ERBIN: variants seen among roughly 807,000 people sequenced by gnomAD.
The protein encoded by ERBIN is densin-180-like protein.
In ERBIN, 60 loss-of-function variants were observed where a neutral mutation model predicts 158.4. That is an observed-to-expected ratio of 0.38 (90% CI 0.31 to 0.47). ERBIN has a LOEUF of 0.47. ERBIN is among the 20% of genes least tolerant of loss of function. ERBIN has a pLI of 0.99. For missense variants in ERBIN, 1,610 were observed against 1,648.0 expected (o/e 0.98, Z 0.40); for synonymous variants, 594 against 557.2 (o/e 1.07, Z -0.93).
intron 1 of ERBIN, among the ~76,000 whole-genome samples, chr5:65,949,848 C>T (rs1746284306): frequency 6.6e-6 from 1 of 152,002 alleles, no homozygotes; most frequent in Admixed American, 6.6e-5. Flanking sequence ...TTTTAATTTT[C>T]ATTTTTGTGG....
intron 2 of ERBIN, among the ~76,000 whole-genome samples, chr5:65,991,956 GT>G (rs1218693445): frequency 6.6e-6 from 1 of 152,156 alleles, no homozygotes; most frequent in Non-Finnish European, 1.5e-5. Context: ...AGGTTATAGG[GT>G]GGTTGATCCC....
At chr5:65,941,748 ATTTT>A (rs372144335) in intron 1 of ERBIN, among the ~76,000 whole-genome samples, 9 of 149,320 alleles carry the variant, frequency 6.0e-5, no homozygotes, top group Non-Finnish European at 1.2e-4. Context: ...TTCTTGTAGT[ATTTT>A]TTTTTTGAGA....
At chr5:65,954,241 C>A (rs1746833241) in intron 1 of ERBIN, among the ~76,000 whole-genome samples, 1 of 152,136 alleles carries the variant, frequency 6.6e-6, no homozygotes, top group Non-Finnish European at 1.5e-5. Flanking sequence ...TGAAAATAAT[C>A]TGTGGGGGAG....
At chr5:65,957,379 T>C (rs1163896971) in intron 1 of ERBIN, among the ~76,000 whole-genome samples, 1 of 152,154 alleles carries the variant, frequency 6.6e-6, no homozygotes, top group Non-Finnish European at 1.5e-5. Context: ...TCCGCAGTGT[T>C]TGTATCCCTG....
intron 20 of ERBIN, 109 bp downstream of exon 20, chr5:66,051,075 C>A: frequency 1.6e-6 from 1 of 643,208 alleles, no homozygotes; most frequent in Non-Finnish European, 2.5e-6. Context: ...AGAAGTGGTT[C>A]CAGTAATATG....
At chr5:66,008,633 T>G (rs968693551) in intron 4 of ERBIN, among the ~76,000 whole-genome samples, 10 of 152,186 alleles carry the variant, frequency 6.6e-5, no homozygotes, top group African/African-American at 2.4e-4. Flanking sequence ...TTAGATAGAC[T>G]TTATCATGTA....
chr5:66,008,933 T>G (rs1753902007), intron 4 of ERBIN, among the ~76,000 whole-genome samples: 1 of 152,206 alleles, frequency 6.6e-6, no homozygotes, highest in South Asian at 2.1e-4. Context: ...AGACATATAA[T>G]TAACTCAGCA....
At chr5:66,046,653 T>A (rs1380315262) in intron 18 of ERBIN, 115 bp downstream of exon 18, 1 of 838,614 alleles carries the variant, frequency 1.2e-6, no homozygotes, top group African/African-American at 1.7e-5. Context: ...CATTCATCAT[T>A]GAGAAATTTC....
At chr5:66,062,417 A>T (rs1239794814) in intron 21 of ERBIN, among the ~76,000 whole-genome samples, 2 of 152,016 alleles carry the variant, frequency 1.3e-5, no homozygotes, top group Non-Finnish European at 2.9e-5. Context: ...ACTTCTCTGC[A>T]TTGGTTATTC....
chr5:66,049,265 CA>C (rs1758783353), intron 19 of ERBIN, among the ~76,000 whole-genome samples: 1 of 152,024 alleles, frequency 6.6e-6, no homozygotes, highest in Admixed American at 6.6e-5. Context: ...TCATATAAGA[CA>C]ATCTTAGACT....
intron 4 of ERBIN, among the ~76,000 whole-genome samples, chr5:66,000,905 A>G (rs1752954437): frequency 6.6e-6 from 1 of 152,132 alleles, no homozygotes; most frequent in Middle Eastern, 3.2e-3. Context: ...TATTCTTCAT[A>G]AGTGGTGTAT....
At chr5:65,995,361 A>G (rs1580288635) in intron 4 of ERBIN, among the ~76,000 whole-genome samples, 1 of 122,492 alleles carries the variant, frequency 8.2e-6, no homozygotes. Context: ...TATGTAAGTG[A>G]GCTTATGTGG....
intron 1 of ERBIN, among the ~76,000 whole-genome samples, chr5:65,973,582 G>T (rs1031087608): frequency 6.6e-6 from 1 of 151,064 alleles, no homozygotes; most frequent in Non-Finnish European, 1.5e-5. Context: ...TTTTCAACAG[G>T]TCTGGTTCAG....
At chr5:66,071,973 A>G (rs550314936) in intron 21 of ERBIN, among the ~76,000 whole-genome samples, 196 bp from the exon 22 acceptor site, 1 of 152,164 alleles carries the variant, frequency 6.6e-6, no homozygotes, top group African/African-American at 2.4e-5. Context: ...TCATACATAC[A>G]AAAATATCTT....
chr5:66,003,034 A>G (rs1753168203), intron 4 of ERBIN, among the ~76,000 whole-genome samples: 1 of 152,218 alleles, frequency 6.6e-6, no homozygotes, highest in South Asian at 2.1e-4. Flanking sequence ...TAGCGTAGGC[A>G]TTATTATTTG....
chr5:66,077,743 TCTCC>T (rs1762117295), intron 25 of ERBIN, among the ~76,000 whole-genome samples: 1 of 148,416 alleles, frequency 6.7e-6, no homozygotes, highest in Non-Finnish European at 1.5e-5. Flanking sequence ...CTTCTCTTTT[TCTCC>T]CTCCCTCCCT....
At chr5:65,964,370 C>G (rs1292877291) in intron 1 of ERBIN, among the ~76,000 whole-genome samples, 1 of 152,090 alleles carries the variant, frequency 6.6e-6, no homozygotes, top group African/African-American at 2.4e-5. Flanking sequence ...TTTTAAGGCA[C>G]AATATTGGAA....
At chr5:66,048,978 ATGCAAATTTACT>A (rs1002036494) in intron 19 of ERBIN, among the ~76,000 whole-genome samples, 197 bp downstream of exon 19, 4 of 151,952 alleles carry the variant, frequency 2.6e-5, no homozygotes, top group African/African-American at 9.7e-5. Context: ...CTTTCTCCTC[ATGCAAATTTACT>A]TATAAAGGCA....
chr5:66,048,442 C>T (rs1445973017), intron 18 of ERBIN, among the ~76,000 whole-genome samples: 2 of 151,782 alleles, frequency 1.3e-5, no homozygotes, highest in Non-Finnish European at 2.9e-5. Context: ...AATAGAGGAG[C>T]AGTATCCTAA....
Sources: gnomAD v4.1 joint callset for allele counts (sites outside exome capture counted in the v4.1 genomes callset) on GRCh38, gnomAD v4.1.1 for gene constraint, MANE v1.5 for transcripts, NCBI Gene and HGNC (gene_info 2026-07-23, HGNC 2026-07-21) for gene names.